The following PHACTR3 variants were observed in gnomAD, a reference collection of about 807,000 sequenced individuals.
PHACTR3 encodes the protein protein phosphatase 1, regulatory subunit 123.
PHACTR3 carries 16 observed loss-of-function variants against 66.8 expected under a neutral mutation model. The ratio of observed to expected loss-of-function variants is 0.24; its 90% confidence interval spans 0.16 to 0.36. The LOEUF (loss-of-function observed/expected upper bound fraction) is 0.36. PHACTR3 is among the 10% of genes least tolerant of loss of function. PHACTR3 has a pLI of 1.00. For missense variants in PHACTR3, 647 were observed against 719.9 expected (o/e 0.90, Z 1.16); for synonymous variants, 323 against 292.1 (o/e 1.11, Z -1.08).
chr20:59,742,282 G>A (rs565902669), intron 1 of PHACTR3, among the ~76,000 whole-genome samples: 2 of 150,426 alleles, frequency 1.3e-5, no homozygotes, highest in African/African-American at 5.0e-5. Flanking sequence ...CAGGACAGAC[G>A]ATGACTTACC....
chr20:59,698,839 G>A (rs1447908476), intron 1 of PHACTR3, among the ~76,000 whole-genome samples: 1 of 152,156 alleles, frequency 6.6e-6, no homozygotes, highest in East Asian at 1.9e-4. Flanking sequence ...CCTCAGCTAA[G>A]TAAGTTTATC....
At chr20:59,594,205 C>T (rs1410358279) in intron 1 of PHACTR3, among the ~76,000 whole-genome samples, 1 of 152,174 alleles carries the variant, frequency 6.6e-6, no homozygotes, top group South Asian at 2.1e-4. Flanking sequence ...TAGGTGTATA[C>T]CTAGGTATTT....
At chr20:59,618,274 A>C (rs1166639771) in intron 1 of PHACTR3, among the ~76,000 whole-genome samples, 1 of 152,002 alleles carries the variant, frequency 6.6e-6, no homozygotes, top group East Asian at 1.9e-4. Flanking sequence ...TGGACTGGGG[A>C]GGAGCTTGTC....
intron 1 of PHACTR3, among the ~76,000 whole-genome samples, chr20:59,610,372 T>C (rs1447125780): frequency 6.6e-6 from 1 of 152,332 alleles, no homozygotes; most frequent in African/African-American, 2.4e-5. Flanking sequence ...GCTGTCAGCA[T>C]TGGAACAACA....
intron 8 of PHACTR3, among the ~76,000 whole-genome samples, chr20:59,807,922 G>A (rs1252917548): frequency 6.6e-6 from 1 of 152,200 alleles, no homozygotes; most frequent in Non-Finnish European, 1.5e-5. Context: ...GTCTGGCTGT[G>A]ACCCAGAGCC....
chr20:59,582,301 C>G (rs779917359), intron 1 of PHACTR3, among the ~76,000 whole-genome samples: 1 of 152,226 alleles, frequency 6.6e-6, no homozygotes, highest in African/African-American at 2.4e-5. Context: ...TAGGTTCTGT[C>G]TAATTGCTTT....
intron 1 of PHACTR3, among the ~76,000 whole-genome samples, chr20:59,634,909 G>A (rs1049454445): frequency 1.3e-5 from 2 of 152,080 alleles, no homozygotes; most frequent in African/African-American, 2.4e-5. Context: ...AGCCACCTGT[G>A]GCTAATGGCA....
At chr20:59,779,358 T>TG (rs957695959) in intron 7 of PHACTR3, among the ~76,000 whole-genome samples, 6 of 152,226 alleles carry the variant, frequency 3.9e-5, no homozygotes, top group African/African-American at 1.4e-4. Flanking sequence ...TGTTGCTTTT[T>TG]GGGGGGAAAA....
intron 1 of PHACTR3, chr20:59,628,834 G>T (rs2034559815): frequency 1.0e-6 from 1 of 984,564 alleles, no homozygotes. Context: ...CTTGTTTTTT[G>T]TTTGTTTTTA....
At chr20:59,651,858 TA>T (rs2035470467) in intron 1 of PHACTR3, among the ~76,000 whole-genome samples, 1 of 151,684 alleles carries the variant, frequency 6.6e-6, no homozygotes, top group South Asian at 2.1e-4. Flanking sequence ...GGTAGGTAGG[TA>T]GGTAGGTAGG....
rs991965765 is a variant in PHACTR3 at position 59,653,480 on chromosome 20, G to A, written c.118+48348G>A. Among the ~76,000 whole-genome samples the A allele has an allele frequency of 2.6e-5, 4 of 152,114 alleles. No individual in the cohort carries two copies. In the East Asian group the frequency reaches 5.8e-4, roughly 22 times the overall value. ...ATTACAGGCGTGAGCCACTGCACTC[G>A]GCTGTGAGAAAGTAATTTCTTTAAG... On this transcript the variant is annotated intron_variant, in intron 1 of 12. Coordinates refer to ENST00000371015, the MANE Select transcript of PHACTR3 (RefSeq NM_080672.5).
upstream of PHACTR3, among the ~76,000 whole-genome samples, chr20:59,603,110 A>C (rs2033527738): frequency 6.6e-6 from 1 of 152,156 alleles, no homozygotes; most frequent in Non-Finnish European, 1.5e-5. Flanking sequence ...TGTGGATAAA[A>C]CGTATCTATT....
At chr20:59,579,582 T>C (rs1166768950) in intron 1 of PHACTR3, among the ~76,000 whole-genome samples, 4 of 152,176 alleles carry the variant, frequency 2.6e-5, no homozygotes, top group African/African-American at 9.7e-5. Context: ...CAGAAGTCCC[T>C]AGGGGTTCTA....
At position 59,726,395 on chromosome 20, in the gene PHACTR3, G is replaced by C. The variant is rs192112450; in HGVS notation, c.119-16712G>C. ...GTGCTTTGCTCAGTGCAGAGCTGCTGCTGCTGGAATCACTGCACCACTTAT... is the reference window on the plus strand; with the variant it reads ...GTGCTTTGCTCAGTGCAGAGCTGCTCCTGCTGGAATCACTGCACCACTTAT... On this transcript the variant is annotated intron_variant, in intron 1 of 12. Transcript: ENST00000371015. 4.6e-5 allele frequency among the ~76,000 whole-genome samples: 7 copies of C among 152,252 alleles called. No homozygotes were observed. The East Asian group carries it at 1.4e-3, about 29-fold the overall frequency.
intron 1 of PHACTR3, among the ~76,000 whole-genome samples, chr20:59,633,401 A>AACT (rs1356928399): frequency 6.6e-6 from 1 of 152,202 alleles, no homozygotes; most frequent in African/African-American, 2.4e-5. Context: ...TAACACAGGA[A>AACT]CAGAAAACCA....
intron 8 of PHACTR3, among the ~76,000 whole-genome samples, chr20:59,832,959 CAG>C (rs1191199489): frequency 2.0e-5 from 3 of 152,184 alleles, no homozygotes; most frequent in African/African-American, 7.2e-5. Flanking sequence ...ACCTGGCAGT[CAG>C]GGGTCTTCTT....
intron 8 of PHACTR3, among the ~76,000 whole-genome samples, chr20:59,817,960 CTT>C (rs1175050922): frequency 6.6e-6 from 1 of 152,124 alleles, no homozygotes; most frequent in African/African-American, 2.4e-5. Flanking sequence ...ATTTTCAACT[CTT>C]GAGTTAGCAG....
intron 7 of PHACTR3, among the ~76,000 whole-genome samples, chr20:59,786,116 C>T (rs1222910443): frequency 1.3e-5 from 2 of 152,254 alleles, no homozygotes; most frequent in Non-Finnish European, 1.5e-5. Flanking sequence ...AACTGAGCCC[C>T]TCTGTGGCAG....
intron 1 of PHACTR3, among the ~76,000 whole-genome samples, chr20:59,673,919 C>T (rs555625571): frequency 2.0e-5 from 3 of 152,314 alleles, no homozygotes; most frequent in African/African-American, 4.8e-5. Flanking sequence ...GACAGGAAGG[C>T]CGGATCAAGC....
Sources: gnomAD v4.1 joint callset for allele counts (sites outside exome capture counted in the v4.1 genomes callset) on GRCh38, gnomAD v4.1.1 for gene constraint, MANE v1.5 for transcripts, NCBI Gene and HGNC (gene_info 2026-07-23, HGNC 2026-07-21) for gene names.